EIF2B3: variants seen among roughly 807,000 people sequenced by gnomAD.
EIF2B3 encodes translation initiation factor eIF2B subunit gamma.
EIF2B3 carries 20 observed loss-of-function variants against 54.1 expected under a neutral mutation model. The ratio of observed to expected loss-of-function variants is 0.37; its 90% CI spans 0.26 to 0.54. The LOEUF (loss-of-function observed/expected upper bound fraction) is 0.54, where lower values mean the gene tolerates loss of function less well. Ranked by LOEUF, EIF2B3 falls within the 20% of genes least tolerant of loss-of-function variation. EIF2B3 has a pLI of 0.86. For missense variants in EIF2B3, 448 were observed against 547.8 expected, an observed-to-expected ratio of 0.82 and a Z score of 1.82; for synonymous variants, 153 against 188.1, an observed-to-expected ratio of 0.81 and a Z score of 1.52.
rs1171020644 is a variant in EIF2B3, at chr1:44,951,954, ATTTTTT to A, written c.295-10295_295-10290del. ...AGGGGCGCACCACCATGCCTGGCTA[ATTTTTT>A]TTTTTTTTTTTTTTTTTTTTGAGAC... On this transcript the variant is annotated intron_variant, in intron 3 of 11. Coordinates refer to ENST00000360403, the MANE Select transcript of EIF2B3 (RefSeq NM_020365.5). Among the ~76,000 whole-genome samples the A allele has an allele frequency of 5.6e-4, 25 of 44,652 alleles. No homozygotes were observed. In the East Asian group the frequency reaches 9.3e-3, roughly 17 times the overall value. 29.3% of individuals were successfully genotyped at this position (44,652 alleles called of 152,430 possible).
intron 6 of EIF2B3, among the ~76,000 whole-genome samples, chr1:44,887,488 T>C (rs1378346993): frequency 6.6e-6 from 1 of 152,216 alleles, no homozygotes; most frequent in Non-Finnish European, 1.5e-5. Flanking sequence ...CATTAGCTGG[T>C]AAGCAGTGAA....
At chr1:44,856,632 T>C (rs1158678501) in intron 11 of EIF2B3, among the ~76,000 whole-genome samples, 2 of 151,660 alleles carry the variant, frequency 1.3e-5, no homozygotes, top group Non-Finnish European at 2.9e-5. Context: ...GAGGTCTGTT[T>C]GATTCTAAAG....
chr1:44,852,944 T>C (rs1394249347), intron 11 of EIF2B3, among the ~76,000 whole-genome samples: 1 of 152,086 alleles, frequency 6.6e-6, no homozygotes, highest in African/African-American at 2.4e-5. Flanking sequence ...GAGCTAAAGC[T>C]GAATGCAGAT....
At chr1:44,942,407 A>ACATATATATATGTG (rs1557697000) in intron 3 of EIF2B3, among the ~76,000 whole-genome samples, 15 of 17,642 alleles carry the variant, frequency 8.5e-4, no homozygotes, top group Non-Finnish European at 1.3e-3. Flanking sequence ...ATATATATAT[A>ACATATATATATGTG]TATATATATA....
At chr1:44,924,854 T>G (rs959157686) in intron 5 of EIF2B3, 1 of 152,258 alleles carries the variant, frequency 6.6e-6, no homozygotes, top group Non-Finnish European at 1.5e-5. Context: ...ATAGCTTCTT[T>G]GTCTTTTACG....
chr1:44,942,408 TATA>T (rs1644040201), intron 3 of EIF2B3, among the ~76,000 whole-genome samples: 5 of 20,570 alleles, frequency 2.4e-4, no homozygotes, highest in Admixed American at 6.0e-4. Context: ...TATATATATA[TATA>T]TATATATTTT....
At chr1:44,864,845 C>T (rs1654718058) in intron 10 of EIF2B3, among the ~76,000 whole-genome samples, 1 of 152,182 alleles carries the variant, frequency 6.6e-6, no homozygotes, top group Non-Finnish European at 1.5e-5. Flanking sequence ...TTATAAGATT[C>T]TTAGGTCACA....
At chr1:44,888,472 A>AGTCT (rs1655677552) in intron 6 of EIF2B3, among the ~76,000 whole-genome samples, 1 of 115,134 alleles carries the variant, frequency 8.7e-6, no homozygotes, top group Non-Finnish European at 1.8e-5. Flanking sequence ...ATGGCTTCTC[A>AGTCT]ATCTCTCTCT....
chr1:44,958,862 G>A, intron 3 of EIF2B3: 1 of 890,234 alleles, frequency 1.1e-6, no homozygotes, highest in Non-Finnish European at 1.9e-6. Context: ...AGGTACATCA[G>A]GAACATCTCT....
chr1:44,874,947 C>T lies in EIF2B3; in HGVS notation c.1054-121G>A. 4.0e-6 allele frequency: 5 copies of T among 1,254,430 alleles called. No individual in the cohort carries two copies. The South Asian group carries it at 4.9e-5, about 12-fold the overall frequency. The allele number at this position is 1,254,430 out of a possible 1,614,324, so 77.7% of individuals were successfully genotyped here. ...CATAGAGACACTTCAGCAAGAGGGA[C>T]CATGATCAGTATTTCTCAGGGCCAC... On this transcript the variant is annotated intron_variant, in intron 9 of 11. Coordinates refer to ENST00000360403, the MANE Select transcript of EIF2B3 (RefSeq NM_020365.5).
intron 3 of EIF2B3, among the ~76,000 whole-genome samples, chr1:44,968,183 G>A (rs1418237706): frequency 1.3e-5 from 2 of 151,836 alleles, no homozygotes; most frequent in Non-Finnish European, 2.9e-5. Flanking sequence ...AGGTAACAAG[G>A]CAAAACCCTG....
chr1:44,913,768 G>A (rs2148924162), intron 5 of EIF2B3, among the ~76,000 whole-genome samples: 1 of 151,810 alleles, frequency 6.6e-6, no homozygotes, highest in African/African-American at 2.4e-5. Flanking sequence ...TCCCAAAGTG[G>A]ACATTAGAGG....
intron 2 of EIF2B3, 35 bp from the exon 3 acceptor site, chr1:44,978,495 A>G (rs1644476214): frequency 6.2e-7 from 1 of 1,603,370 alleles, no homozygotes; most frequent in Non-Finnish European, 8.5e-7. Context: ...AGAAAAACAA[A>G]AACTTACTCA....
chr1:44,885,935 TG>T (rs1271393895), intron 6 of EIF2B3, among the ~76,000 whole-genome samples: 2 of 144,636 alleles, frequency 1.4e-5, no homozygotes, highest in East Asian at 4.1e-4. Flanking sequence ...TTAGTAGAGA[TG>T]GGGTTTCACC....
chr1:44,972,731 G>A (rs183928228), intron 3 of EIF2B3, among the ~76,000 whole-genome samples: 60 of 151,816 alleles, frequency 4.0e-4, no homozygotes, highest in Admixed American at 3.4e-3. Flanking sequence ...GCAGTGGTAC[G>A]ATCTCAGCTC....
intron 10 of EIF2B3, among the ~76,000 whole-genome samples, chr1:44,861,384 G>C (rs1315955685): frequency 6.6e-6 from 1 of 152,092 alleles, no homozygotes; most frequent in Non-Finnish European, 1.5e-5. Context: ...TGGTAGTAGG[G>C]GTATGCTTCC....
At chr1:44,981,540 C>G (rs1304670446) in intron 1 of EIF2B3, among the ~76,000 whole-genome samples, 1 of 152,182 alleles carries the variant, frequency 6.6e-6, no homozygotes, top group Non-Finnish European at 1.5e-5. Flanking sequence ...ACCTAGTTTT[C>G]ATTGAAAACA....
At chr1:44,902,382 G>C in intron 5 of EIF2B3, among the ~76,000 whole-genome samples, 1 of 152,090 alleles carries the variant, frequency 6.6e-6, no homozygotes, top group East Asian at 1.9e-4. Context: ...TAATCCTATA[G>C]ATCTGTGAGA....
chr1:44,940,177 T>C (rs1460747946), intron 4 of EIF2B3, among the ~76,000 whole-genome samples: 1 of 152,202 alleles, frequency 6.6e-6, no homozygotes, highest in Non-Finnish European at 1.5e-5. Flanking sequence ...ATCCTAAGTA[T>C]GAAGGCTCTC....
Sources: allele counts gnomAD v4.1 joint callset (sites outside exome capture counted in the v4.1 genomes callset), GRCh38; gene constraint gnomAD v4.1.1; transcripts MANE v1.5; gene names NCBI Gene and HGNC (gene_info 2026-07-23, HGNC 2026-07-21).